PTPRM: variants seen among roughly 807,000 people sequenced by gnomAD.
PTPRM encodes protein tyrosine phosphatase receptor type M.
Under a neutral mutation model 186.7 loss-of-function variants are expected in PTPRM, and 47 were observed. The ratio of observed to expected loss-of-function variants is 0.25; its 90% CI spans 0.20 to 0.32. The LOEUF is 0.32. PTPRM is among the 10% of genes least tolerant of loss of function. The pLI, the probability that PTPRM is intolerant of heterozygous loss-of-function variation, is 1.00. For synonymous variants in PTPRM, 668 were observed against 674.9 expected (o/e 0.99, Z 0.16); for missense variants, 1,494 against 1,865.0 (o/e 0.80, Z 3.66).
chr18:7,868,966 G>T (rs372994703), intron 2 of PTPRM, among the ~76,000 whole-genome samples: 3 of 152,154 alleles, frequency 2.0e-5, no homozygotes, highest in African/African-American at 7.2e-5. Flanking sequence ...GCTTCACCCC[G>T]TTCGAACTTC....
At chr18:7,573,438 C>T (rs2036609540) in intron 1 of PTPRM, among the ~76,000 whole-genome samples, 1 of 152,114 alleles carries the variant, frequency 6.6e-6, no homozygotes, top group Non-Finnish European at 1.5e-5. Context: ...ATCTGGAGGC[C>T]TCCTTTCAAA....
At chr18:7,900,122 A>G (rs2049584491) in intron 3 of PTPRM, among the ~76,000 whole-genome samples, 1 of 152,244 alleles carries the variant, frequency 6.6e-6, no homozygotes. Context: ...TTCTCTAAAA[A>G]CAGGAGGCTA....
At chr18:7,732,667 T>G (rs2040685487) in intron 1 of PTPRM, among the ~76,000 whole-genome samples, 1 of 152,044 alleles carries the variant, frequency 6.6e-6, no homozygotes, top group Non-Finnish European at 1.5e-5. Context: ...CCCCCATGCC[T>G]GGCTAATTTT....
chr18:8,238,649 G>GTT (rs1568577885), intron 14 of PTPRM, among the ~76,000 whole-genome samples: 1 of 73,650 alleles, frequency 1.4e-5, no homozygotes, highest in Non-Finnish European at 2.9e-5. Flanking sequence ...ACTGTTTTGT[G>GTT]TGTTTTTTTT....
intron 1 of PTPRM, among the ~76,000 whole-genome samples, chr18:7,770,873 C>T (rs113599010): frequency 1.3e-5 from 2 of 152,116 alleles, no homozygotes. Flanking sequence ...AGGGGTGGAT[C>T]TGAAAATTGG....
intron 23 of PTPRM, among the ~76,000 whole-genome samples, chr18:8,357,343 ATAATC>A (rs1357307096): frequency 1.3e-5 from 2 of 152,240 alleles, no homozygotes; most frequent in South Asian, 2.1e-4. Flanking sequence ...TCTTTTGAAA[ATAATC>A]TAATCTGACT....
rs188443604 is a variant in PTPRM, at chr18:8,004,581, C to T, written c.1132+49167C>T. On this transcript the variant is annotated intron_variant, in intron 7 of 32. Coordinates refer to ENST00000580170, the MANE Select transcript of PTPRM (RefSeq NM_001105244.2). ...TAATTCAGTTCAGAAGATGACTGACCTCTGGCATGAGGGATGAAAGACATA... is the reference window on the plus strand; with the variant it reads ...TAATTCAGTTCAGAAGATGACTGACTTCTGGCATGAGGGATGAAAGACATA... Among the ~76,000 whole-genome samples, 786 of 152,112 alleles carry T rather than the reference C, an allele frequency of 5.2e-3. 7 individuals are homozygous for T. Among genetic ancestry groups the T allele is most frequent in the Non-Finnish European group, 4.2e-3 (289 of 68,008 alleles).
chr18:8,063,295 A>G (rs530362056), intron 7 of PTPRM, among the ~76,000 whole-genome samples: 15 of 150,906 alleles, frequency 9.9e-5, no homozygotes, highest in African/African-American at 3.5e-4. Context: ...CAGGTGAGGC[A>G]ATGCCTCGCC....
intron 14 of PTPRM, among the ~76,000 whole-genome samples, chr18:8,187,967 T>C (rs1284315259): frequency 6.6e-6 from 1 of 152,248 alleles, no homozygotes; most frequent in East Asian, 1.9e-4. Flanking sequence ...CGTATTTTTT[T>C]CTGTTTCTTT....
rs138882142 is a variant in PTPRM, at chr18:8,398,084, C to A, written c.4344+3473C>A. Among the ~76,000 whole-genome samples the A allele has an allele frequency of 7.6e-3, 1,160 of 152,308 alleles. 19 individuals are homozygous for A. The highest frequency in any genetic ancestry group is 0.027 in the African/African-American group (1,106 of 41,582). Reference sequence around the variant, plus strand: ...AACCCCTGGGCTCAAGCCATCCTCCCACCTCAGCCTCTCAAGTAGCTGGAA... The same window carrying A: ...AACCCCTGGGCTCAAGCCATCCTCCAACCTCAGCCTCTCAAGTAGCTGGAA... On this transcript the variant is annotated intron_variant, in intron 32 of 32. Coordinates refer to ENST00000580170, the MANE Select transcript of PTPRM (RefSeq NM_001105244.2).
chr18:7,613,010 C>T (rs1291797555), intron 1 of PTPRM, among the ~76,000 whole-genome samples: 6 of 152,120 alleles, frequency 3.9e-5, no homozygotes, highest in Non-Finnish European at 5.9e-5. Flanking sequence ...TAACAGAAAT[C>T]GCCCTCTTAC....
intron 26 of PTPRM, 114 bp downstream of exon 26, chr18:8,376,711 TA>T: frequency 7.8e-7 from 1 of 1,279,936 alleles, no homozygotes; most frequent in Non-Finnish European, 1.0e-6. Flanking sequence ...TCAAGTGATC[TA>T]CCTGGCATTC....
intron 31 of PTPRM, 73 bp downstream of exon 31, chr18:8,387,308 AC>A (rs1374213396): frequency 7.0e-7 from 1 of 1,437,722 alleles, no homozygotes; most frequent in Non-Finnish European, 9.5e-7. Context: ...TAGTTCTCTG[AC>A]TTTTGTTTCA....
intron 8 of PTPRM, among the ~76,000 whole-genome samples, chr18:8,073,706 A>C (rs535275221): frequency 2.6e-5 from 4 of 152,122 alleles, no homozygotes; most frequent in African/African-American, 9.7e-5. Flanking sequence ...GGAGATTGAG[A>C]CCAGCCTGGG....
chr18:8,084,617 C>T (rs2090333798), intron 9 of PTPRM, among the ~76,000 whole-genome samples: 2 of 152,132 alleles, frequency 1.3e-5, no homozygotes, highest in African/African-American at 4.8e-5. Context: ...TCAATTATCA[C>T]TTCGTATAAT....
At chr18:7,864,382 A>T (rs374269239) in intron 2 of PTPRM, among the ~76,000 whole-genome samples, 1 of 152,202 alleles carries the variant, frequency 6.6e-6, no homozygotes, top group Non-Finnish European at 1.5e-5. Flanking sequence ...TGTAAGGTGT[A>T]AGGAAGGTGT....
At chr18:7,723,059 G>A (rs2040479058) in intron 1 of PTPRM, among the ~76,000 whole-genome samples, 2 of 152,196 alleles carry the variant, frequency 1.3e-5, no homozygotes, top group South Asian at 2.1e-4. Flanking sequence ...TTTGAAGACC[G>A]CCTTTCTAAG....
intron 7 of PTPRM, among the ~76,000 whole-genome samples, chr18:7,960,945 G>T: frequency 6.6e-6 from 1 of 152,264 alleles, no homozygotes; most frequent in South Asian, 2.1e-4. Context: ...CGAGTTTTAA[G>T]TGTACAGTTA....
chr18:8,406,040 T>C, intron 32 of PTPRM, 69 bp from the exon 33 acceptor site: 1 of 1,360,520 alleles, frequency 7.4e-7, no homozygotes, highest in Non-Finnish European at 1.1e-6. Context: ...CCCTACTCTA[T>C]GGTAATTGCT....
Sources: allele counts gnomAD v4.1 joint callset (sites outside exome capture counted in the v4.1 genomes callset), GRCh38; gene constraint gnomAD v4.1.1; transcripts MANE v1.5; gene names NCBI Gene and HGNC (gene_info 2026-07-23, HGNC 2026-07-21).